ROCK1: variants seen among roughly 807,000 people sequenced by gnomAD.
ROCK1 encodes the protein rho-associated protein kinase 1.
In ROCK1, 36 loss-of-function variants were observed where a neutral mutation model predicts 196.8. That is an observed-to-expected ratio of 0.18 (90% confidence interval 0.14 to 0.24). The LOEUF (loss-of-function observed/expected upper bound fraction) is 0.24, where lower values mean the gene tolerates loss of function less well. ROCK1 is among the 10% of genes least tolerant of loss of function. The probability of loss-of-function intolerance (pLI) is 1.00; values close to 1 mark genes in which losing one functional copy is unlikely to be tolerated. For synonymous variants in ROCK1, 443 were observed against 515.9 expected, an observed-to-expected ratio of 0.86 and a Z score of 1.91; for missense variants, 920 against 1,562.0, an observed-to-expected ratio of 0.59 and a Z score of 6.93.
intron 18 of ROCK1, 89 bp from the exon 19 acceptor site, chr18:20,987,199 T>A: frequency 8.7e-7 from 1 of 1,153,764 alleles, no homozygotes. Context: ...TGGTTTCAAA[T>A]GTCTCTATTG....
At chr18:21,103,174 A>T (rs2036674029) in intron 1 of ROCK1, among the ~76,000 whole-genome samples, 1 of 152,150 alleles carries the variant, frequency 6.6e-6, no homozygotes, top group Non-Finnish European at 1.5e-5. Context: ...AGATATACAA[A>T]TAAAAAATTA....
chr18:21,098,014 T>C (rs148380580), intron 1 of ROCK1, among the ~76,000 whole-genome samples: 1 of 152,190 alleles, frequency 6.6e-6, no homozygotes, highest in Non-Finnish European at 1.5e-5. Flanking sequence ...TAAATGGATA[T>C]CACAGTGCTT....
intron 10 of ROCK1, among the ~76,000 whole-genome samples, chr18:21,028,071 T>C (rs1432259538): frequency 6.7e-6 from 1 of 149,396 alleles, no homozygotes; most frequent in African/African-American, 2.5e-5. Flanking sequence ...CACTTAATTT[T>C]TGAAGAGCTA....
intron 10 of ROCK1, among the ~76,000 whole-genome samples, chr18:21,027,951 T>C (rs1365202341): frequency 1.5e-4 from 22 of 144,692 alleles, no homozygotes; most frequent in African/African-American, 4.5e-4. Flanking sequence ...TTAGTAGAGA[T>C]GGGGTTTCAC....
chr18:21,092,512 A>G (rs1221675493), intron 1 of ROCK1, among the ~76,000 whole-genome samples: 1 of 140,932 alleles, frequency 7.1e-6, no homozygotes, highest in Non-Finnish European at 1.5e-5. Flanking sequence ...TCAGCCTGGG[A>G]GGTCAAGGCT....
chr18:21,067,097 T>C (rs1447268379), intron 2 of ROCK1, among the ~76,000 whole-genome samples: 2 of 152,234 alleles, frequency 1.3e-5, no homozygotes, highest in Admixed American at 6.5e-5. Context: ...ATTGTCAGTT[T>C]AGAAAGTTTT....
At chr18:20,999,634 T>G (rs1371082028) in intron 16 of ROCK1, among the ~76,000 whole-genome samples, 1 of 152,082 alleles carries the variant, frequency 6.6e-6, no homozygotes, top group Non-Finnish European at 1.5e-5. Flanking sequence ...ACAAAAACAC[T>G]GCTGAAACAC....
intron 22 of ROCK1, among the ~76,000 whole-genome samples, chr18:20,977,272 T>C (rs529365190): frequency 2.6e-5 from 4 of 152,178 alleles, no homozygotes; most frequent in African/African-American, 7.2e-5. Flanking sequence ...GAAACAAAAG[T>C]CCCCACTTTT....
chr18:20,960,647 G>A (rs2035318492), intron 27 of ROCK1: 1 of 154,746 alleles, frequency 6.5e-6, no homozygotes, highest in Non-Finnish European at 1.4e-5. Context: ...AAGTATAGAA[G>A]TGTCCTATTA....
chr18:21,071,553 T>C (rs1419319448), intron 1 of ROCK1, among the ~76,000 whole-genome samples: 2 of 152,282 alleles, frequency 1.3e-5, no homozygotes, highest in South Asian at 2.1e-4. Context: ...CCAAGCAGTG[T>C]TGAAGTGGGA....
At chr18:20,990,178 C>T (rs1598519621) in intron 18 of ROCK1, among the ~76,000 whole-genome samples, 1 of 152,070 alleles carries the variant, frequency 6.6e-6, no homozygotes, top group African/African-American at 2.4e-5. Flanking sequence ...AAGTGGCTGG[C>T]TGGTCTGAAC....
At chr18:21,039,757 T>A (rs1394734582) in intron 8 of ROCK1, among the ~76,000 whole-genome samples, 194 bp from the exon 9 acceptor site, 1 of 152,072 alleles carries the variant, frequency 6.6e-6, no homozygotes, top group Non-Finnish European at 1.5e-5. Context: ...AGAATTTTTT[T>A]AAAAGAAAAC....
intron 22 of ROCK1, among the ~76,000 whole-genome samples, chr18:20,977,815 G>A (rs1188892818): frequency 6.6e-6 from 1 of 152,114 alleles, no homozygotes; most frequent in Non-Finnish European, 1.5e-5. Context: ...ATACACCTGG[G>A]ATTGCATATT....
chr18:20,972,688 G>T (rs1268850724), intron 22 of ROCK1, among the ~76,000 whole-genome samples: 4 of 152,160 alleles, frequency 2.6e-5, no homozygotes, highest in Non-Finnish European at 4.4e-5. Flanking sequence ...GAAATAAGGT[G>T]AGAACTGAGA....
At chr18:21,041,951 C>T in intron 8 of ROCK1, 146 bp downstream of exon 8, 2 of 706,904 alleles carry the variant, frequency 2.8e-6, no homozygotes, top group Non-Finnish European at 4.5e-6. Flanking sequence ...CAAAAGACAT[C>T]TAGAATATCA....
chr18:20,982,868 CCT>C (rs1334263776), intron 20 of ROCK1, 36 bp from the exon 21 acceptor site: 2 of 927,110 alleles, frequency 2.2e-6, no homozygotes, highest in African/African-American at 1.7e-5. Context: ...AACAAACGCT[CCT>C]ACTTATACTA....
chr18:20,971,947 G>A (rs1405891001), intron 22 of ROCK1, among the ~76,000 whole-genome samples: 6 of 152,148 alleles, frequency 3.9e-5, no homozygotes, highest in South Asian at 2.1e-4. Flanking sequence ...AACAGATACT[G>A]TAAGGCTTTC....
chr18:21,028,749 C>A, intron 10 of ROCK1, 27 bp downstream of exon 10: 1 of 1,565,510 alleles, frequency 6.4e-7, no homozygotes, highest in South Asian at 1.2e-5. Flanking sequence ...AGCACTTACT[C>A]CTATAATCAC....
At chr18:21,070,719 C>T (rs1348494854) in intron 1 of ROCK1, 106 bp from the exon 2 acceptor site, 2 of 664,852 alleles carry the variant, frequency 3.0e-6, no homozygotes, top group Non-Finnish European at 2.4e-6. Flanking sequence ...TCCCCTAACA[C>T]ATCTTGTGTA....
Sources: gnomAD v4.1 joint callset for allele counts (sites outside exome capture counted in the v4.1 genomes callset) on GRCh38, gnomAD v4.1.1 for gene constraint, MANE v1.5 for transcripts, NCBI Gene and HGNC (gene_info 2026-07-23, HGNC 2026-07-21) for gene names.